STON2: variants seen among roughly 807,000 people sequenced by gnomAD.
STON2 encodes stonin 2.
STON2 carries 29 observed loss-of-function variants against 65.7 expected under a neutral mutation model. The observed-to-expected ratio is 0.44, with a 90% CI of 0.33 to 0.60. The LOEUF is 0.60. Ranked by LOEUF, STON2 falls within the 20% of genes least tolerant of loss-of-function variation. STON2 has a pLI of 0.03. For missense variants in STON2, 1,054 were observed against 1,118.1 expected, an observed-to-expected ratio of 0.94 and a Z score of 0.82; for synonymous variants, 404 against 414.2, an observed-to-expected ratio of 0.98 and a Z score of 0.30.
chr14:81,417,368 G>A (rs1304878323), intron 2 of STON2, among the ~76,000 whole-genome samples: 1 of 151,616 alleles, frequency 6.6e-6, no homozygotes, highest in Non-Finnish European at 1.5e-5. Flanking sequence ...ATGTTCAGGA[G>A]AAAACCTTAA....
chr14:81,321,439 G>A (rs913203901), intron 5 of STON2, among the ~76,000 whole-genome samples: 2 of 151,974 alleles, frequency 1.3e-5, no homozygotes, highest in Non-Finnish European at 2.9e-5. Context: ...GGCCACAGCT[G>A]GGTATTGTTC....
chr14:81,422,746 C>T (rs1901767201), intron 2 of STON2, among the ~76,000 whole-genome samples: 1 of 152,096 alleles, frequency 6.6e-6, no homozygotes, highest in Admixed American at 6.5e-5. Flanking sequence ...TATTTCTAGA[C>T]TTCCAGGCCA....
chr14:81,280,130 T>C (rs1895046313), intron 5 of STON2, among the ~76,000 whole-genome samples: 1 of 152,182 alleles, frequency 6.6e-6, no homozygotes, highest in Admixed American at 6.5e-5. Flanking sequence ...CATCTCGAAG[T>C]TTATTTTTTA....
chr14:81,408,136 AACACAC>A (rs149914558), intron 2 of STON2, among the ~76,000 whole-genome samples: 6 of 149,000 alleles, frequency 4.0e-5, no homozygotes, highest in Non-Finnish European at 4.5e-5. Flanking sequence ...TTCACTGAAG[AACACAC>A]ACACACACAC....
chr14:81,333,241 T>C, intron 4 of STON2: 1 of 814,224 alleles, frequency 1.2e-6, no homozygotes, highest in Non-Finnish European at 2.1e-6. Context: ...TTCCCGAATT[T>C]CTGTCTTAGG....
chr14:81,366,199 T>A (rs541136190), intron 4 of STON2, among the ~76,000 whole-genome samples: 1 of 151,266 alleles, frequency 6.6e-6, no homozygotes, highest in Non-Finnish European at 1.5e-5. Context: ...ATCCCCTTGG[T>A]GAGAAAATGA....
rs1330357527 is a variant in STON2, at chr14:81,268,283, C to T, written c.*131G>A. 8.3e-7 allele frequency: 1 copy of T among 1,205,784 alleles called. No individual in the cohort carries two copies. Among genetic ancestry groups the T allele is most frequent in the South Asian group, 1.5e-5 (1 of 65,044 alleles). 74.7% of individuals were successfully genotyped at this position (1,205,784 alleles called of 1,614,324 possible). On this transcript the variant is annotated 3_prime_UTR_variant, in exon 8 of 8. Transcript: ENST00000614646. ...ACTGCAAACAGGAAGATCTGGTATA[C>T]TGTTCCCAACATGCAGTGGCCACAG...
chr14:81,371,845 C>T (rs1166201068), intron 3 of STON2, among the ~76,000 whole-genome samples: 2 of 152,110 alleles, frequency 1.3e-5, no homozygotes, highest in Non-Finnish European at 2.9e-5. Flanking sequence ...TTCACCCTTA[C>T]TGTTACATTT....
At position 81,264,106 on chromosome 14, in the gene STON2, T is replaced by C. The variant is rs1894267366; in HGVS notation, c.*4308A>G. On this transcript the variant is annotated 3_prime_UTR_variant, in exon 8 of 8. Coordinates refer to ENST00000614646, the MANE Select transcript of STON2 (RefSeq NM_001394390.1). ...TGGGCAAGGCTCAGGCTCATGGATCTGTTTGACTTGCAGGAACAAAGCAAT... is the reference window on the plus strand; with the variant it reads ...TGGGCAAGGCTCAGGCTCATGGATCCGTTTGACTTGCAGGAACAAAGCAAT... 5.1e-6 allele frequency: 5 copies of C among 985,366 alleles called. No homozygotes were observed. Among genetic ancestry groups the C allele is most frequent in the Admixed American group, 6.1e-5 (1 of 16,272 alleles). 61.0% of individuals were successfully genotyped at this position (985,366 alleles called of 1,614,324 possible).
At chr14:81,287,877 G>A (rs1895399925) in intron 5 of STON2, among the ~76,000 whole-genome samples, 1 of 152,044 alleles carries the variant, frequency 6.6e-6, no homozygotes, top group Non-Finnish European at 1.5e-5. Flanking sequence ...GTGCCTTTCT[G>A]ATATCCGTTT....
intron 4 of STON2, among the ~76,000 whole-genome samples, chr14:81,327,896 C>T (rs1897057479): frequency 6.6e-6 from 1 of 152,134 alleles, no homozygotes; most frequent in South Asian, 2.1e-4. Flanking sequence ...AAGGACTGGT[C>T]CACAGTACAC....
At chr14:81,372,843 T>C (rs1294706273) in intron 3 of STON2, among the ~76,000 whole-genome samples, 4 of 151,940 alleles carry the variant, frequency 2.6e-5, no homozygotes, top group East Asian at 1.9e-4. Flanking sequence ...AAAAGAAAAA[T>C]TGAGATTTAA....
In STON2 at chr14:81,406,258, C is replaced by T. The variant is rs578073185; in HGVS notation, c.-198-7678G>A. Among the ~76,000 whole-genome samples, 13 of 152,308 alleles carry T rather than the reference C, an allele frequency of 8.5e-5. No individual in the cohort carries two copies. In the East Asian group the frequency reaches 1.9e-3, roughly 23 times the overall value. On this transcript the variant is annotated intron_variant, in intron 2 of 8. Transcript: ENST00000553821. Reference sequence around the variant, plus strand: ...CTTAATAAACTACCCTTCATATATACATCTATCCTATTAATTCTGTCCCTT... The same window carrying T: ...CTTAATAAACTACCCTTCATATATATATCTATCCTATTAATTCTGTCCCTT...
intron 4 of STON2, among the ~76,000 whole-genome samples, chr14:81,360,719 A>G (rs1898454904): frequency 6.6e-6 from 1 of 152,202 alleles, no homozygotes; most frequent in African/African-American, 2.4e-5. Context: ...TTAGAAAAGG[A>G]GGAAATGAAA....
Position 81,371,676 on chromosome 14 carries a change from T to TCAAAAAAAAAAAA in STON2, c.374-492_374-491insTTTTTTTTTTTTG, listed in dbSNP as rs58782661. ...ACAACAGAATGAATGAGACTGAGTC[T>TCAAAAAAAAAAAA]AAAAAAAAAAAAAAAGAAAAGAAAA... On this transcript the variant is annotated intron_variant, in intron 3 of 7. Transcript: ENST00000614646. 6.1e-4 allele frequency among the ~76,000 whole-genome samples: 59 copies of TCAAAAAAAAAAAA among 97,450 alleles called. 2 individuals carry two copies. Among genetic ancestry groups the TCAAAAAAAAAAAA allele is most frequent in the African/African-American group, 1.6e-3 (35 of 22,164 alleles). 63.9% of individuals were successfully genotyped at this position (97,450 alleles called of 152,430 possible).
rs1894425758 is a variant in STON2, at chr14:81,268,081, G to C, written c.*333C>G. 8.0e-6 allele frequency: 8 copies of C among 1,002,650 alleles called. No individual in the cohort carries two copies. Among genetic ancestry groups the C allele is most frequent in the Middle Eastern group, 5.0e-4 (1 of 1,998 alleles). 62.1% of individuals were successfully genotyped at this position (1,002,650 alleles called of 1,614,324 possible). On this transcript the variant is annotated 3_prime_UTR_variant, in exon 8 of 8. Coordinates refer to ENST00000614646, the MANE Select transcript of STON2 (RefSeq NM_001394390.1). ...GATGTGGGAGGTTCTTTTCCTGACT[G>C]TAACAGTCACAACAAACCACATACC... is the stretch of plus-strand genomic sequence containing the variant.
chr14:81,286,774 T>C (rs1388575886), intron 5 of STON2, among the ~76,000 whole-genome samples: 1 of 152,208 alleles, frequency 6.6e-6, no homozygotes, highest in Non-Finnish European at 1.5e-5. Context: ...ACACAGAATT[T>C]TGGGGCTTGG....
chr14:81,357,328 T>C (rs1431170783), intron 4 of STON2, among the ~76,000 whole-genome samples: 2 of 152,008 alleles, frequency 1.3e-5, no homozygotes, highest in Admixed American at 6.5e-5. Context: ...ATCAGAGAAA[T>C]GCAAATCAAA....
chr14:81,367,991 A>G (rs184418592), intron 4 of STON2, among the ~76,000 whole-genome samples: 55 of 152,270 alleles, frequency 3.6e-4, no homozygotes, highest in Non-Finnish European at 6.9e-4. Flanking sequence ...ATCTGTAAGC[A>G]TTCATATCTG....
Sources: gnomAD v4.1 joint callset for allele counts (sites outside exome capture counted in the v4.1 genomes callset) on GRCh38, gnomAD v4.1.1 for gene constraint, MANE v1.5 for transcripts, NCBI Gene and HGNC (gene_info 2026-07-23, HGNC 2026-07-21) for gene names.